Variants in EDA observed in about 807,000 individuals in gnomAD.
The protein encoded by EDA is ectodysplasin-A.
Under a neutral mutation model 23.6 loss-of-function variants are expected in EDA, and 2 were observed. That is an observed-to-expected ratio of 0.08 (90% CI 0.03 to 0.27). The LOEUF (loss-of-function observed/expected upper bound fraction) is 0.27. Ranked by LOEUF, EDA falls within the 10% of genes least tolerant of loss-of-function variation. EDA has a pLI of 1.00. For synonymous variants in EDA, 131 were observed against 132.0 expected (o/e 0.99, Z 0.05); for missense variants, 229 against 324.2 (o/e 0.71, Z 2.26).
chrX:69,667,402 C>T (rs747945111), intron 1 of EDA, among the ~76,000 whole-genome samples: 5 of 110,873 alleles, frequency 4.5e-5, no homozygotes, highest in Non-Finnish European at 7.6e-5. Flanking sequence ...CGTGAGCCAC[C>T]GTGCCTGGCC....
At chrX:69,866,242 G>A (rs758804234) in intron 1 of EDA, among the ~76,000 whole-genome samples, 6 of 111,019 alleles carry the variant, frequency 5.4e-5, no homozygotes, top group Admixed American at 4.8e-4. Flanking sequence ...GCTAAGAGAC[G>A]CCCTAATGGA....
intron 1 of EDA, among the ~76,000 whole-genome samples, chrX:69,794,460 T>C (rs977587418): frequency 3.7e-4 from 41 of 112,253 alleles, no homozygotes; most frequent in African/African-American, 1.3e-3. Context: ...ATTCCCCCAG[T>C]AATAATATCT....
intron 2 of EDA, among the ~76,000 whole-genome samples, chrX:70,018,959 A>C (rs1398641480): frequency 8.9e-6 from 1 of 112,235 alleles, no homozygotes; most frequent in Non-Finnish European, 1.9e-5. Flanking sequence ...ACAAAGATAT[A>C]TCCAGTATCT....
intron 1 of EDA, among the ~76,000 whole-genome samples, chrX:69,862,572 G>C (rs925279883): frequency 2.7e-5 from 3 of 111,070 alleles, no homozygotes; most frequent in African/African-American, 9.8e-5. Context: ...AGCCTCCCCA[G>C]TAGCTAGGAC....
intron 1 of EDA, among the ~76,000 whole-genome samples, chrX:69,930,198 G>A (rs2018579901): frequency 9.0e-6 from 1 of 111,614 alleles, no homozygotes; most frequent in African/African-American, 3.3e-5. Flanking sequence ...ATAGGTAGAT[G>A]GATAACTGGA....
At chrX:69,971,047 C>G (rs1456817051) in intron 2 of EDA, among the ~76,000 whole-genome samples, 1 of 112,089 alleles carries the variant, frequency 8.9e-6, no homozygotes, top group East Asian at 2.8e-4. Context: ...TGACTCAGGA[C>G]ACAGTTTAAT....
intron 1 of EDA, among the ~76,000 whole-genome samples, chrX:69,751,104 C>T (rs1410440480): frequency 9.1e-6 from 1 of 109,398 alleles, no homozygotes; most frequent in East Asian, 2.8e-4. Flanking sequence ...TTGCCCATGC[C>T]TATGTCCTGA....
intron 1 of EDA, among the ~76,000 whole-genome samples, chrX:69,906,434 G>C (rs1312675515): frequency 8.9e-6 from 1 of 112,375 alleles, no homozygotes; most frequent in Non-Finnish European, 1.9e-5. Flanking sequence ...TTTTTGAAAA[G>C]AAAATTTTAA....
chrX:69,857,882 ATTTG>A (rs1441616024), intron 1 of EDA, among the ~76,000 whole-genome samples: 4 of 112,091 alleles, frequency 3.6e-5, no homozygotes, highest in Non-Finnish European at 7.5e-5. Context: ...ATGTGTTTCT[ATTTG>A]TTTGTGTACT....
chrX:69,868,592 A>G (rs1012989446), intron 1 of EDA, among the ~76,000 whole-genome samples: 3 of 112,225 alleles, frequency 2.7e-5, no homozygotes, highest in Non-Finnish European at 5.6e-5. Context: ...AATCAGCAAA[A>G]TGTCATCAAT....
At chrX:70,002,518 T>G (rs1271894130) in intron 2 of EDA, among the ~76,000 whole-genome samples, 2 of 111,837 alleles carry the variant, frequency 1.8e-5, no homozygotes, top group Non-Finnish European at 3.8e-5. Context: ...GAAGAGGGCT[T>G]GAATGCAGGG....
intron 1 of EDA, among the ~76,000 whole-genome samples, chrX:69,760,266 C>A (rs2014270200): frequency 9.8e-6 from 1 of 102,461 alleles, no homozygotes; most frequent in Non-Finnish European, 2.0e-5. Flanking sequence ...CTAGCTTTGA[C>A]TTTATTAAAT....
rs1442952654 is a variant in EDA, at chrX:69,853,984, G to A, written c.397-103043G>A. On this transcript the variant is annotated intron_variant, in intron 1 of 7. Coordinates refer to ENST00000374552, the MANE Select transcript of EDA (RefSeq NM_001399.5). ...GGTCATAGTTTGCTTACCCTAATCTGTGAGATAATAACTGTTGTTTTGTTC... is the reference window on the plus strand; with the variant it reads ...GGTCATAGTTTGCTTACCCTAATCTATGAGATAATAACTGTTGTTTTGTTC... Among the ~76,000 whole-genome samples the A allele has an allele frequency of 3.6e-5, 4 of 111,761 alleles. No individual in the cohort carries two copies. In the Admixed American group the frequency reaches 3.8e-4, roughly 11 times the overall value.
At chrX:69,967,884 A>T (rs961306869) in intron 2 of EDA, among the ~76,000 whole-genome samples, 4 of 112,070 alleles carry the variant, frequency 3.6e-5, no homozygotes, top group African/African-American at 1.3e-4. Flanking sequence ...AGTAAGAAAG[A>T]TGTTGGCAAC....
At chrX:70,013,801 G>T (rs949873169) in intron 2 of EDA, among the ~76,000 whole-genome samples, 17 of 111,223 alleles carry the variant, frequency 1.5e-4, no homozygotes, top group African/African-American at 5.6e-4. Flanking sequence ...CTCTCTGACT[G>T]GAAAAGGAAC....
intron 1 of EDA, among the ~76,000 whole-genome samples, chrX:69,927,340 C>T (rs1366542197): frequency 9.0e-6 from 1 of 111,678 alleles, no homozygotes; most frequent in Non-Finnish European, 1.9e-5. Flanking sequence ...TCTTGCAAGG[C>T]AGGCTGGCAA....
At chrX:69,917,389 G>A (rs1294030837) in intron 1 of EDA, among the ~76,000 whole-genome samples, 1 of 112,151 alleles carries the variant, frequency 8.9e-6, no homozygotes, top group Non-Finnish European at 1.9e-5. Flanking sequence ...TCTACTTACA[G>A]AAAATAGGTT....
chrX:69,919,102 TAA>T (rs2018389306), intron 1 of EDA, among the ~76,000 whole-genome samples: 1 of 111,273 alleles, frequency 9.0e-6, no homozygotes, highest in Admixed American at 9.5e-5. Context: ...AGATATAGAT[TAA>T]TTGGAGGGAG....
At chrX:69,780,088 A>T (rs2014897021) in intron 1 of EDA, among the ~76,000 whole-genome samples, 2 of 83,153 alleles carry the variant, frequency 2.4e-5, no homozygotes, top group African/African-American at 9.0e-5. Context: ...ATGTATATGT[A>T]TACAGATATG....
Sources: allele counts gnomAD v4.1 joint callset (sites outside exome capture counted in the v4.1 genomes callset), GRCh38; gene constraint gnomAD v4.1.1; transcripts MANE v1.5; gene names NCBI Gene and HGNC (gene_info 2026-07-23, HGNC 2026-07-21).